UBE2H: variants seen among roughly 807,000 people sequenced by gnomAD.
UBE2H encodes ubiquitin conjugating enzyme E2 H, also known as ubiquitin-conjugating enzyme E2 H.
UBE2H carries 3 observed loss-of-function variants against 29.0 expected under a neutral mutation model. The observed-to-expected ratio is 0.10, with a 90% confidence interval of 0.05 to 0.27. UBE2H has a LOEUF of 0.27. UBE2H is among the 10% of genes least tolerant of loss of function. UBE2H has a pLI of 1.00. For synonymous variants in UBE2H, 69 were observed against 82.9 expected, an observed-to-expected ratio of 0.83 and a Z score of 0.91; for missense variants, 68 against 228.2, an observed-to-expected ratio of 0.30 and a Z score of 4.52.
intron 5 of UBE2H, among the ~76,000 whole-genome samples, chr7:129,843,251 G>A (rs887153827): frequency 5.9e-5 from 9 of 151,822 alleles, no homozygotes; most frequent in Admixed American, 2.6e-4. Context: ...TGCCCGCCTC[G>A]GCCTCCCAAA....
At chr7:129,878,545 TG>T (rs1806191596) in intron 3 of UBE2H, among the ~76,000 whole-genome samples, 2 of 151,998 alleles carry the variant, frequency 1.3e-5, no homozygotes, top group Non-Finnish European at 2.9e-5. Flanking sequence ...TAGCCGGGTG[TG>T]GTGGCAGGCA....
At chr7:129,867,622 C>T (rs1298600637) in intron 3 of UBE2H, among the ~76,000 whole-genome samples, 62 of 100,620 alleles carry the variant, frequency 6.2e-4, no homozygotes, top group African/African-American at 2.1e-3. Flanking sequence ...GTGGGTGCAG[C>T]GCACCAGCAT....
chr7:129,876,889 A>G (rs1806154876), intron 3 of UBE2H, among the ~76,000 whole-genome samples: 1 of 152,220 alleles, frequency 6.6e-6, no homozygotes, highest in Non-Finnish European at 1.5e-5. Context: ...TCATGCAATC[A>G]TGTAACTACT....
chr7:129,855,320 C>G (rs747276455), intron 5 of UBE2H, among the ~76,000 whole-genome samples: 8 of 152,212 alleles, frequency 5.3e-5, no homozygotes, highest in Non-Finnish European at 1.2e-4. Context: ...TAATTGGAAC[C>G]AGATTGCAGT....
At chr7:129,933,733 T>C (rs1269992024) in intron 1 of UBE2H, among the ~76,000 whole-genome samples, 1 of 152,240 alleles carries the variant, frequency 6.6e-6, no homozygotes, top group Non-Finnish European at 1.5e-5. Flanking sequence ...TGCCAAAGTT[T>C]AGTCTAAAAA....
chr7:129,891,953 C>CTTTTTTT (rs753851134), intron 1 of UBE2H, among the ~76,000 whole-genome samples: 4 of 127,116 alleles, frequency 3.1e-5, no homozygotes, highest in South Asian at 2.4e-4. Flanking sequence ...CATGCTACAC[C>CTTTTTTT]TTTTTTTTTT....
chr7:129,918,859 GA>G (rs1187952650), intron 1 of UBE2H, among the ~76,000 whole-genome samples: 1 of 152,154 alleles, frequency 6.6e-6, no homozygotes. Context: ...GAGGCAGGTA[GA>G]TCACTTGAGC....
intron 5 of UBE2H, among the ~76,000 whole-genome samples, chr7:129,841,396 G>A (rs1805427209): frequency 6.6e-6 from 1 of 152,186 alleles, no homozygotes; most frequent in Admixed American, 6.5e-5. Context: ...CTAATCTAGA[G>A]CTGTGTTACT....
At chr7:129,917,356 G>C (rs566363865) in intron 1 of UBE2H, among the ~76,000 whole-genome samples, 1 of 152,308 alleles carries the variant, frequency 6.6e-6, no homozygotes, top group East Asian at 1.9e-4. Context: ...GCTGAAGACA[G>C]AAAGAAAATG....
chr7:129,938,472 T>G (rs2116511380), intron 1 of UBE2H, among the ~76,000 whole-genome samples: 2 of 146,030 alleles, frequency 1.4e-5, no homozygotes, highest in Admixed American at 1.4e-4. Context: ...CCCAGCACTT[T>G]GAAAGGCCGA....
At chr7:129,897,195 C>T (rs1011738534) in intron 1 of UBE2H, among the ~76,000 whole-genome samples, 1 of 152,110 alleles carries the variant, frequency 6.6e-6, no homozygotes. Context: ...AGATTGATTC[C>T]CCATCTTAAT....
At chr7:129,883,148 A>C (rs1279063302) in intron 1 of UBE2H, among the ~76,000 whole-genome samples, 1 of 152,246 alleles carries the variant, frequency 6.6e-6, no homozygotes, top group Non-Finnish European at 1.5e-5. Flanking sequence ...AGCTGGATAA[A>C]ATCTAGTGTT....
At chr7:129,842,044 T>C (rs1199915081) in intron 5 of UBE2H, among the ~76,000 whole-genome samples, 1 of 152,246 alleles carries the variant, frequency 6.6e-6, no homozygotes, top group Non-Finnish European at 1.5e-5. Flanking sequence ...TACAACTATG[T>C]ACAGTGTGTA....
At chr7:129,878,857 G>GT (rs1806200015) in intron 3 of UBE2H, among the ~76,000 whole-genome samples, 50 of 17,904 alleles carry the variant, frequency 2.8e-3, no homozygotes, top group African/African-American at 5.5e-3. Flanking sequence ...ATAAAGTGAA[G>GT]CAAAAAAAAA....
At chr7:129,887,680 T>TGTAATCCCAGCACTTTGGGAGGCCAAAG (rs376637404) in intron 1 of UBE2H, among the ~76,000 whole-genome samples, 14 of 150,742 alleles carry the variant, frequency 9.3e-5, no homozygotes, top group East Asian at 3.9e-4. Context: ...GGCTCACACC[T>TGTAATCCCAGCACTTTGGGAGGCCAAAG]CCTGAGGTCG....
chr7:129,900,928 T>G (rs1806700717), intron 1 of UBE2H, among the ~76,000 whole-genome samples: 1 of 151,992 alleles, frequency 6.6e-6, no homozygotes, highest in Non-Finnish European at 1.5e-5. Context: ...TTTTTTGTAT[T>G]TTTAGTAGAG....
At chr7:129,888,060 C>G (rs1023522694) in intron 1 of UBE2H, among the ~76,000 whole-genome samples, 3 of 152,184 alleles carry the variant, frequency 2.0e-5, no homozygotes, top group Non-Finnish European at 4.4e-5. Flanking sequence ...CCATGACAAA[C>G]AGCCTCTAGG....
chr7:129,866,759 G>A (rs1312115201), intron 3 of UBE2H, among the ~76,000 whole-genome samples: 5 of 152,178 alleles, frequency 3.3e-5, no homozygotes, highest in Non-Finnish European at 7.3e-5. Flanking sequence ...AAAAGGACCA[G>A]GCTCCAGTCA....
At chr7:129,870,670 C>T (rs767733631) in intron 3 of UBE2H, among the ~76,000 whole-genome samples, 1 of 152,242 alleles carries the variant, frequency 6.6e-6, no homozygotes, top group Non-Finnish European at 1.5e-5. Context: ...GCTTTTATAA[C>T]TGTGCTTCTA....
Sources: gnomAD v4.1 joint callset for allele counts (sites outside exome capture counted in the v4.1 genomes callset) on GRCh38, gnomAD v4.1.1 for gene constraint, MANE v1.5 for transcripts, NCBI Gene and HGNC (gene_info 2026-07-23, HGNC 2026-07-21) for gene names.